BCL2L14: variants seen among roughly 807,000 people sequenced by gnomAD.
BCL2L14 encodes apoptosis facilitator Bcl-2-like protein 14.
Under a neutral mutation model 35.3 loss-of-function variants are expected in BCL2L14, and 27 were observed. The ratio of observed to expected loss-of-function variants is 0.76; its 90% CI spans 0.56 to 1.05. BCL2L14 has a LOEUF of 1.05. BCL2L14 is among the 50% of genes least tolerant of loss of function. The pLI is 0.00. For synonymous variants in BCL2L14, 139 were observed against 145.9 expected, an observed-to-expected ratio of 0.95 and a Z score of 0.34; for missense variants, 377 against 382.6, an observed-to-expected ratio of 0.99 and a Z score of 0.12.
At chr12:12,056,251 G>A (rs1259331996) in intron 2 of BCL2L14, among the ~76,000 whole-genome samples, 1 of 152,152 alleles carries the variant, frequency 6.6e-6, no homozygotes, top group East Asian at 1.9e-4. Context: ...GATAAAATCT[G>A]CCTTACCCTT....
At chr12:12,057,249 A>C (rs1477136242) in intron 2 of BCL2L14, among the ~76,000 whole-genome samples, 1 of 152,252 alleles carries the variant, frequency 6.6e-6, no homozygotes, top group Non-Finnish European at 1.5e-5. Context: ...AATTATTTGC[A>C]TTACGATCAG....
intron 2 of BCL2L14, among the ~76,000 whole-genome samples, chr12:12,082,424 T>C (rs958034955): frequency 1.3e-5 from 2 of 152,216 alleles, no homozygotes; most frequent in African/African-American, 4.8e-5. Flanking sequence ...GGCACCTAAA[T>C]AGGCTTTTCT....
intron 2 of BCL2L14, among the ~76,000 whole-genome samples, chr12:12,059,586 T>C (rs1412089453): frequency 6.6e-6 from 1 of 151,312 alleles, no homozygotes; most frequent in Non-Finnish European, 1.5e-5. Context: ...CCTGACCCCT[T>C]CTCTGCTTTT....
chr12:12,062,404 G>C (rs373795719), intron 2 of BCL2L14, among the ~76,000 whole-genome samples: 1 of 148,778 alleles, frequency 6.7e-6, no homozygotes, highest in Non-Finnish European at 1.5e-5. Flanking sequence ...CCACACACCA[G>C]CAAAGGCAGG....
chr12:12,068,027 G>T, upstream of BCL2L14: 1 of 389,954 alleles, frequency 2.6e-6, no homozygotes. Flanking sequence ...CAAGCCCCCG[G>T]CCCCCTGCCA....
At chr12:12,059,614 C>CA in intron 2 of BCL2L14, among the ~76,000 whole-genome samples, 1 of 151,988 alleles carries the variant, frequency 6.6e-6, no homozygotes, top group Non-Finnish European at 1.5e-5. Flanking sequence ...GCAAGAACCC[C>CA]CTACCCCTTC....
rs1373349546 is a variant in BCL2L14 at position 12,079,802 on chromosome 12, G to T, written c.433+64G>T. On this transcript the variant is annotated intron_variant, in intron 2 of 5. Transcript: ENST00000308721. ...TTTTCCCTTCTTTGTGTCCAGAGTGGTACATCTCTTCTCATGTTGTAAAGT... is the reference window on the plus strand; with the variant it reads ...TTTTCCCTTCTTTGTGTCCAGAGTGTTACATCTCTTCTCATGTTGTAAAGT... 2.0e-6 allele frequency: 3 copies of T among 1,503,934 alleles called. No individual in the cohort carries two copies. In the African/African-American group the frequency reaches 4.2e-5, roughly 21 times the overall value. The allele number at this position is 1,503,934 out of a possible 1,614,324, so 93.2% of individuals were successfully genotyped here. A position where few individuals can be genotyped will look rare whatever the true frequency, so the allele number is the denominator to read the frequency against.
At chr12:12,062,748 A>G (rs972693949) in intron 2 of BCL2L14, among the ~76,000 whole-genome samples, 5 of 152,092 alleles carry the variant, frequency 3.3e-5, no homozygotes, top group Admixed American at 1.3e-4. Flanking sequence ...GTCAGACATA[A>G]TTCCTCAGTT....
chr12:12,086,946 C>A (rs77540503), intron 2 of BCL2L14, among the ~76,000 whole-genome samples: 2,628 of 152,238 alleles, frequency 0.017, 77 homozygotes, highest in African/African-American at 0.06. Context: ...GGAAAGGAGA[C>A]CCTAATTTTG....
At chr12:12,086,913 TTG>T (rs1274085453) in intron 2 of BCL2L14, among the ~76,000 whole-genome samples, 2 of 152,256 alleles carry the variant, frequency 1.3e-5, no homozygotes, top group Admixed American at 1.3e-4. Context: ...GCACTCCTTT[TTG>T]TGTCTCTTCC....
rs541870453 is a variant in BCL2L14, at chr12:12,070,987, C to T, written c.-158C>T. The T allele has an allele frequency of 6.6e-6, 1 of 152,132 alleles. No homozygotes were observed. Among genetic ancestry groups the T allele is most frequent in the African/African-American group, 2.4e-5 (1 of 41,428 alleles). 9.4% of individuals were successfully genotyped at this position (152,132 alleles called of 1,614,324 possible). On this transcript the variant is annotated 5_prime_UTR_variant, in exon 1 of 6. Coordinates refer to ENST00000308721, the MANE Select transcript of BCL2L14 (RefSeq NM_138723.2). ...CCTGAAGAAAGTTTAGAGCCTGGGG[C>T]TCTAAACTACCTGAGTCTTTCCAAA...
At chr12:12,067,675 C>T (rs1948609889), upstream of BCL2L14, among the ~76,000 whole-genome samples, 1 of 152,224 alleles carries the variant, frequency 6.6e-6, no homozygotes. Flanking sequence ...GCATTTCCCA[C>T]TGAATGACTG....
At chr12:12,067,727 C>G (rs1043318891), upstream of BCL2L14, among the ~76,000 whole-genome samples, 2 of 152,196 alleles carry the variant, frequency 1.3e-5, no homozygotes, top group African/African-American at 4.8e-5. Context: ...TACGAGTTTT[C>G]TACAACAGCA....
rs201172842 is a variant in BCL2L14 at position 12,087,418 on chromosome 12, C to T, written c.607+32C>T. 484 of 1,607,474 alleles carry T rather than the reference C, an allele frequency of 3.0e-4. 3 individuals carry two copies. The South Asian group carries it at 3.6e-3, about 12-fold the overall frequency. ...TTTCCTTCCCTGGGTGGAGTGTTTG[C>T]CAGGCAGGGGCGCAGGAGCATTTGT... On this transcript the variant is annotated intron_variant, in intron 3 of 5. Transcript: ENST00000308721.
At chr12:12,084,521 C>T (rs1040393343) in intron 2 of BCL2L14, among the ~76,000 whole-genome samples, 4 of 152,120 alleles carry the variant, frequency 2.6e-5, no homozygotes, top group African/African-American at 9.7e-5. Flanking sequence ...GAAATGGGAC[C>T]TTCCGACCCT....
At chr12:12,065,679 C>T (rs1948585888) in intron 2 of BCL2L14, among the ~76,000 whole-genome samples, 1 of 152,100 alleles carries the variant, frequency 6.6e-6, no homozygotes, top group Non-Finnish European at 1.5e-5. Context: ...TATGTAGGTT[C>T]CTCCAGCGCC....
chr12:12,087,536 CTTGAGA>C lies in BCL2L14; in HGVS notation c.607+151_607+156del. The C allele has an allele frequency of 3.5e-6, 3 of 862,752 alleles. No homozygotes were observed. In the South Asian group the frequency reaches 5.6e-5, roughly 16 times the overall value. The allele number at this position is 862,752 out of a possible 1,614,324, so 53.4% of individuals were successfully genotyped here. On this transcript the variant is annotated intron_variant, in intron 3 of 5. Transcript: ENST00000308721. The stretch of plus-strand genomic sequence containing the variant: ...ACAGGCTGTGGGCAATGAGCTCCAG[CTTGAGA>C]CACCAGCCCAAGGCAAGGGGGCTGC...
At chr12:12,061,699 C>T (rs563113500) in intron 2 of BCL2L14, among the ~76,000 whole-genome samples, 126 of 152,328 alleles carry the variant, frequency 8.3e-4, no homozygotes, top group African/African-American at 2.8e-3. Context: ...GTCACCTGGA[C>T]TGACCCTGAC....
Position 12,079,478 on chromosome 12 carries a change from TG to T in BCL2L14, c.177del (p.Asn60IlefsTer25), listed in dbSNP as rs1261292808. 16 of 1,614,256 alleles carry T rather than the reference TG, an allele frequency of 9.9e-6. No individual in the cohort carries two copies. The highest frequency in any genetic ancestry group is 2.2e-5 in the East Asian group (1 of 44,886). On this transcript the variant is annotated frameshift_variant, in exon 2 of 6. Transcript: ENST00000308721. LOFTEE classifies it high-confidence loss of function. ...LRTRSLSQRG[L>X]GNCSANESWT... ...ACAAGAAGTTTGTCCCAGAGGGGCC[TG>T]GGGAATTGTTCAGCAAATGAGTCAT...
Sources: allele counts gnomAD v4.1 joint callset (sites outside exome capture counted in the v4.1 genomes callset), GRCh38; gene constraint gnomAD v4.1.1; transcripts MANE v1.5; gene names NCBI Gene and HGNC (gene_info 2026-07-23, HGNC 2026-07-21).